The following THADA variants were observed in gnomAD, a reference collection of about 807,000 sequenced individuals.
The protein encoded by THADA is tRNA (32-2'-O)-methyltransferase regulator THADA.
THADA carries 213 observed loss-of-function variants against 219.8 expected under a neutral mutation model. The ratio of observed to expected loss-of-function variants is 0.97; its 90% confidence interval spans 0.87 to 1.09. The LOEUF (loss-of-function observed/expected upper bound fraction) is 1.09, where lower values mean the gene tolerates loss of function less well. Ranked by LOEUF, THADA falls within the 50% of genes least tolerant of loss-of-function variation. The probability of loss-of-function intolerance (pLI) is 0.00; values close to 1 mark genes in which losing one functional copy is unlikely to be tolerated. For missense variants in THADA, 2,956 were observed against 2,311.3 expected, an observed-to-expected ratio of 1.28 and a Z score of -5.72; for synonymous variants, 1,018 against 828.9, an observed-to-expected ratio of 1.23 and a Z score of -3.92.
intron 1 of THADA, among the ~76,000 whole-genome samples, chr2:43,595,102 T>A (rs924453952): frequency 6.6e-6 from 1 of 152,222 alleles, no homozygotes; most frequent in East Asian, 1.9e-4. Context: ...ACTTCACGAA[T>A]AAACAAATTA....
chr2:43,488,439 C>T (rs1258811135), intron 25 of THADA, among the ~76,000 whole-genome samples: 2 of 152,160 alleles, frequency 1.3e-5, no homozygotes, highest in Non-Finnish European at 1.5e-5. Context: ...AGTATGCGGC[C>T]TTTAATGTTT....
At chr2:43,487,490 G>A (rs1225223061) in intron 25 of THADA, among the ~76,000 whole-genome samples, 2 of 152,110 alleles carry the variant, frequency 1.3e-5, no homozygotes, top group Non-Finnish European at 2.9e-5. Context: ...ATAGACTGAC[G>A]GCAGGAGACA....
At chr2:43,385,606 CAAA>C (rs532857816) in intron 29 of THADA, among the ~76,000 whole-genome samples, 1 of 49,928 alleles carries the variant, frequency 2.0e-5, no homozygotes, top group Admixed American at 2.1e-4. Context: ...GACTCCGTCT[CAAA>C]AAAAAAAAAA....
chr2:43,539,216 T>C (rs1694988777), intron 21 of THADA, among the ~76,000 whole-genome samples: 1 of 152,216 alleles, frequency 6.6e-6, no homozygotes, highest in African/African-American at 2.4e-5. Context: ...GCTTGACTCT[T>C]AAACTCATAG....
intron 29 of THADA, among the ~76,000 whole-genome samples, chr2:43,358,193 C>A (rs1669091129): frequency 6.6e-6 from 1 of 152,178 alleles, no homozygotes; most frequent in Non-Finnish European, 1.5e-5. Flanking sequence ...CCTATCACCA[C>A]AAAGTACATT....
chr2:43,263,419 C>A (rs1558485199), intron 36 of THADA, among the ~76,000 whole-genome samples: 1 of 152,060 alleles, frequency 6.6e-6, no homozygotes, highest in South Asian at 2.1e-4. Context: ...ATTTTAAATA[C>A]CTGGATAAAA....
At chr2:43,477,734 G>A (rs956328139) in intron 26 of THADA, among the ~76,000 whole-genome samples, 42 of 152,236 alleles carry the variant, frequency 2.8e-4, no homozygotes, top group Non-Finnish European at 4.4e-5. Flanking sequence ...GATAGTCTCA[G>A]AACCTACTAC....
chr2:43,498,899 A>G lies in THADA; in HGVS notation c.3678T>C (p.Asn1226=). ...CTCCATCAGCAACATAAGGAATAAT[A>G]TTTTCTCCCAGGCGCGTATCTCTGA... ...ALFRDTRLGE[N]IIPYVADGAK... The change falls in exon 25 of 38, where the codon AAT becomes AAC. Residue 1226 remains asparagine (N), a synonymous_variant. Transcript: ENST00000405975. 1 of 1,606,998 alleles carries G rather than the reference A, an allele frequency of 6.2e-7. No individual in the cohort carries two copies. The highest frequency in any genetic ancestry group is 8.5e-7 in the Non-Finnish European group (1 of 1,176,642).
chr2:43,518,298 A>G (rs1691987465), intron 22 of THADA, among the ~76,000 whole-genome samples: 1 of 152,208 alleles, frequency 6.6e-6, no homozygotes, highest in African/African-American at 2.4e-5. Flanking sequence ...CTAGAAAAGA[A>G]AGTACAAACA....
chr2:43,230,995 C>T lies in THADA; in HGVS notation c.5815G>A (p.Ala1939Thr). The T allele has an allele frequency of 6.2e-7, 1 of 1,613,906 alleles. No individual in the cohort carries two copies. ...GGAAGAGTTAACTGCCTCGATTCTG[C>T]ATAAGAGTCCCAAACACTGAGAACT... is the stretch of plus-strand genomic sequence containing the variant. Reference protein sequence around the residue: ...TLVLSVWDSYAESRQLTLPRT... With the variant: ...TLVLSVWDSYTESRQLTLPRT... Residue 1939 changes from alanine (A) to threonine (T), a missense_variant, in exon 38 of 38, where the codon GCA (alanine) becomes ACA (threonine). By Grantham distance (58) the Ala-to-Thr change is moderately conservative. Coordinates refer to ENST00000405975, the MANE Select transcript of THADA (RefSeq NM_022065.5).
chr2:43,350,033 A>T (rs1159635730), intron 29 of THADA, among the ~76,000 whole-genome samples: 1 of 152,192 alleles, frequency 6.6e-6, no homozygotes, highest in Non-Finnish European at 1.5e-5. Context: ...GTATTTTTTC[A>T]GGGACTTAAA....
chr2:43,535,814 T>A (rs1030532581), intron 21 of THADA, among the ~76,000 whole-genome samples: 1 of 151,908 alleles, frequency 6.6e-6, no homozygotes, highest in African/African-American at 2.4e-5. Context: ...TGAGTTAATT[T>A]CTGTTTTTTG....
intron 26 of THADA, among the ~76,000 whole-genome samples, chr2:43,479,196 T>C (rs1009093722): frequency 6.6e-6 from 1 of 152,224 alleles, no homozygotes; most frequent in African/African-American, 2.4e-5. Context: ...ATCAGAATCA[T>C]CTGAATCCAA....
Position 43,291,650 on chromosome 2 carries a change from G to C in THADA, c.5010+46C>G, listed in dbSNP as rs757821642. On this transcript the variant is annotated intron_variant, in intron 34 of 37. Transcript: ENST00000405975. Reference sequence around the variant, plus strand: ...TTACTGACATCTTCTGAGTAAATGAGAACAAAAAATCCTAGGTCCCGGAAC... The same window carrying C: ...TTACTGACATCTTCTGAGTAAATGACAACAAAAAATCCTAGGTCCCGGAAC... 7.5e-6 allele frequency: 11 copies of C among 1,464,054 alleles called. No homozygotes were observed. In the South Asian group the frequency reaches 1.3e-4, roughly 18 times the overall value. 90.7% of individuals were successfully genotyped at this position (1,464,054 alleles called of 1,614,324 possible). A position where few individuals can be genotyped will look rare whatever the true frequency, so the allele number is the denominator to read the frequency against.
chr2:43,520,895 C>G (rs138410235), intron 22 of THADA, among the ~76,000 whole-genome samples: 1 of 126,038 alleles, frequency 7.9e-6, no homozygotes, highest in East Asian at 2.5e-4. Context: ...AGTAGAAATT[C>G]TTAAAGAAGG....
At chr2:43,571,620 C>T (rs1263721476) in intron 13 of THADA, 87 bp downstream of exon 13, 8 of 1,383,576 alleles carry the variant, frequency 5.8e-6, no homozygotes, top group Non-Finnish European at 7.9e-6. Context: ...ACCATTCCCA[C>T]ACGCTCCCAA....
Position 43,287,759 on chromosome 2 carries a change from C to T in THADA, c.5011-698G>A, listed in dbSNP as rs115276184. On this transcript the variant is annotated intron_variant, in intron 34 of 37. Transcript: ENST00000405975. ...TAGTAAAAGAACCCCAGATTCTTGG[C>T]TGGGCCCATGGGCACCCAGCTAGAG... Among the ~76,000 whole-genome samples the T allele has an allele frequency of 8.9e-3, 1,361 of 152,310 alleles. 21 individuals carry two copies. Among genetic ancestry groups the T allele is most frequent in the African/African-American group, 0.031 (1,296 of 41,578 alleles).
chr2:43,361,519 C>T (rs1481494717), intron 29 of THADA, among the ~76,000 whole-genome samples: 1 of 152,212 alleles, frequency 6.6e-6, no homozygotes, highest in Non-Finnish European at 1.5e-5. Context: ...TCCTGTTCTC[C>T]TAGCTCTGCA....
At chr2:43,421,692 C>CA (rs1419695668) in intron 28 of THADA, among the ~76,000 whole-genome samples, 1 of 151,828 alleles carries the variant, frequency 6.6e-6, no homozygotes, top group Non-Finnish European at 1.5e-5. Flanking sequence ...ACAGGAACCA[C>CA]AAAAAAAGGT....
Sources: gnomAD v4.1 joint callset for allele counts (sites outside exome capture counted in the v4.1 genomes callset) on GRCh38, gnomAD v4.1.1 for gene constraint, MANE v1.5 for transcripts, NCBI Gene and HGNC (gene_info 2026-07-23, HGNC 2026-07-21) for gene names.